ZSCAN30: variants seen among roughly 807,000 people sequenced by gnomAD.
ZSCAN30 encodes zinc finger and SCAN domain-containing protein 30.
A neutral mutation model predicts 44.3 loss-of-function variants in ZSCAN30; 37 were observed. The observed-to-expected ratio is 0.84, with a 90% CI of 0.64 to 1.10. The LOEUF is 1.10. Ranked by LOEUF, ZSCAN30 falls within the 50% of genes least tolerant of loss-of-function variation. ZSCAN30 has a pLI of 0.00. For synonymous variants in ZSCAN30, 181 were observed against 204.6 expected, an observed-to-expected ratio of 0.88 and a Z score of 0.98; for missense variants, 549 against 582.6, an observed-to-expected ratio of 0.94 and a Z score of 0.59.
chr18:35,267,696 G>A (rs1339330424), intron 1 of ZSCAN30: 1 of 151,780 alleles, frequency 6.6e-6, no homozygotes, highest in African/African-American at 2.4e-5. Flanking sequence ...AAAGGGTGGG[G>A]AGCATAAGAT....
intron 1 of ZSCAN30, among the ~76,000 whole-genome samples, chr18:35,278,529 C>G (rs1355885748): frequency 2.0e-5 from 3 of 152,200 alleles, no homozygotes; most frequent in Non-Finnish European, 4.4e-5. Flanking sequence ...ATCCTGGATT[C>G]TGCTGAAATA....
At chr18:35,254,704 G>A in intron 3 of ZSCAN30, 3 of 385,998 alleles carry the variant, frequency 7.8e-6, no homozygotes, top group East Asian at 5.4e-5. Context: ...GGTTAGAGAA[G>A]ATACGTTTTT....
At chr18:35,289,606 C>T (rs2044617857) in intron 1 of ZSCAN30, 1 of 152,232 alleles carries the variant, frequency 6.6e-6, no homozygotes, top group Non-Finnish European at 1.5e-5. Context: ...CTTTCCTACC[C>T]TGATTACCCC....
intron 1 of ZSCAN30, among the ~76,000 whole-genome samples, chr18:35,287,227 A>G (rs1412944299): frequency 1.3e-5 from 2 of 152,182 alleles, no homozygotes; most frequent in African/African-American, 2.4e-5. Flanking sequence ...TTGCTTTAAC[A>G]TGTCAATTCT....
At chr18:35,266,777 C>T (rs1444026294) in intron 1 of ZSCAN30, 7 of 149,508 alleles carry the variant, frequency 4.7e-5, no homozygotes, top group Non-Finnish European at 1.0e-4. Flanking sequence ...CGCCATTCTC[C>T]TGCCTCAGCC....
At chr18:35,263,726 G>A (rs1018891680) in intron 2 of ZSCAN30, 69 bp from the exon 3 acceptor site, 3 of 1,565,030 alleles carry the variant, frequency 1.9e-6, no homozygotes, top group Non-Finnish European at 8.8e-7. Flanking sequence ...AGAGCAACAG[G>A]GCAGGAACAG....
chr18:35,276,295 CTT>C (rs35094357), intron 1 of ZSCAN30, among the ~76,000 whole-genome samples: 13 of 144,000 alleles, frequency 9.0e-5, no homozygotes, highest in African/African-American at 2.0e-4. Flanking sequence ...CTTTGTGTGC[CTT>C]TTTTTTTTTT....
intron 1 of ZSCAN30, chr18:35,282,418 G>C (rs1027686368): frequency 1.3e-5 from 2 of 152,176 alleles, no homozygotes; most frequent in African/African-American, 4.8e-5. Flanking sequence ...AACATGTATG[G>C]TACTAAGTTG....
chr18:35,268,873 A>G (rs1038300403), intron 1 of ZSCAN30: 2 of 152,252 alleles, frequency 1.3e-5, no homozygotes, highest in African/African-American at 4.8e-5. Flanking sequence ...AAGAAAAGGT[A>G]AAGTTTAGTA....
At position 35,264,469 on chromosome 18, in the gene ZSCAN30, A is replaced by G; in HGVS notation, c.-103-14T>C. ...CCCAGGACGCTCCTGAGGGTGGACA[A>G]TGCTCATGTTACACAGGGAAAATAA... On this transcript the variant is annotated splice_polypyrimidine_tract_variant and intron_variant, in intron 1 of 3. Transcript: ENST00000333206. The G allele has an allele frequency of 9.6e-7, 1 of 1,045,264 alleles. No individual in the cohort carries two copies. Among genetic ancestry groups the G allele is most frequent in the South Asian group, 1.6e-5 (1 of 60,824 alleles). The allele number at this position is 1,045,264 out of a possible 1,614,324, so 64.7% of individuals were successfully genotyped here.
chr18:35,266,025 G>T (rs1171595092), intron 1 of ZSCAN30, among the ~76,000 whole-genome samples: 1 of 152,164 alleles, frequency 6.6e-6, no homozygotes, highest in Non-Finnish European at 1.5e-5. Context: ...GCCCACTGAG[G>T]AAACTGAAGG....
chr18:35,274,632 AC>A (rs2044339951), intron 1 of ZSCAN30, among the ~76,000 whole-genome samples: 1 of 152,148 alleles, frequency 6.6e-6, no homozygotes, highest in Admixed American at 6.5e-5. Flanking sequence ...GCCATTCAGT[AC>A]CCTCAGCTGC....
At chr18:35,266,654 CT>C (rs1340094814) in intron 1 of ZSCAN30, 98 of 136,268 alleles carry the variant, frequency 7.2e-4, no homozygotes, top group African/African-American at 2.9e-3. Flanking sequence ...GATATTTCTC[CT>C]AATTTTTTTT....
At chr18:35,276,107 T>C (rs2143754230) in intron 1 of ZSCAN30, among the ~76,000 whole-genome samples, 1 of 152,344 alleles carries the variant, frequency 6.6e-6, no homozygotes, top group East Asian at 1.9e-4. Context: ...TAGTTTATGT[T>C]TCTTGTGATG....
chr18:35,272,078 G>A (rs925805632), intron 1 of ZSCAN30, among the ~76,000 whole-genome samples: 2 of 152,220 alleles, frequency 1.3e-5, no homozygotes, highest in Non-Finnish European at 2.9e-5. Context: ...CTTCCACAGT[G>A]CAGCGGCTGG....
chr18:35,263,552 TGC>T lies in ZSCAN30; in HGVS notation c.512_513del (p.Cys171Ter). On this transcript the variant is annotated frameshift_variant, in exon 3 of 4. Coordinates refer to ENST00000333206, the MANE Select transcript of ZSCAN30 (RefSeq NM_001112734.4). LOFTEE classifies it high-confidence loss of function. Reference sequence around the variant, plus strand: ...GCCTGGGACTCCTGAGTCTCAGTCTTGCACTGGTTCTCTAAGGGCTGCACCGG... The same window carrying T: ...GCCTGGGACTCCTGAGTCTCAGTCTTACTGGTTCTCTAAGGGCTGCACCGG... ...NSPVQPLENQ[C>X]KTETQESQAF... The T allele has an allele frequency of 6.2e-7, 1 of 1,614,222 alleles. No individual in the cohort carries two copies. The highest frequency in any genetic ancestry group is 2.2e-5 in the East Asian group (1 of 44,878).
chr18:35,283,324 G>C (rs1039112204), intron 1 of ZSCAN30: 2 of 152,266 alleles, frequency 1.3e-5, no homozygotes, highest in African/African-American at 4.8e-5. Context: ...CCAGGAGGTG[G>C]AGGTTGCAAT....
chr18:35,269,757 G>C (rs1275539676), intron 1 of ZSCAN30: 1 of 150,612 alleles, frequency 6.6e-6, no homozygotes, highest in East Asian at 2.0e-4. Context: ...AAGCTAGCCT[G>C]TACTTGTTAA....
At chr18:35,266,598 G>A (rs2044154903) in intron 1 of ZSCAN30, 1 of 150,836 alleles carries the variant, frequency 6.6e-6, no homozygotes, top group African/African-American at 2.4e-5. Context: ...TGCTTTGCCA[G>A]GTATTAATAG....
Sources: gnomAD v4.1 joint callset for allele counts (sites outside exome capture counted in the v4.1 genomes callset) on GRCh38, gnomAD v4.1.1 for gene constraint, MANE v1.5 for transcripts, NCBI Gene and HGNC (gene_info 2026-07-23, HGNC 2026-07-21) for gene names.